CDH13: variants seen among roughly 807,000 people sequenced by gnomAD.
CDH13 encodes cadherin 13, also known as cadherin-13.
Under a neutral mutation model 63.8 loss-of-function variants are expected in CDH13, and 24 were observed. The ratio of observed to expected loss-of-function variants is 0.38; its 90% confidence interval spans 0.27 to 0.53. The LOEUF (loss-of-function observed/expected upper bound fraction) is 0.53. Among genes scored for constraint, CDH13 ranks in the 20% least tolerant of loss-of-function variants. CDH13 has a pLI of 0.85. For synonymous variants in CDH13, 503 were observed against 355.3 expected (o/e 1.42, Z -4.67); for missense variants, 1,049 against 903.1 (o/e 1.16, Z -2.07).
At chr16:83,275,008 T>C (rs560528625) in intron 5 of CDH13, among the ~76,000 whole-genome samples, 1 of 152,194 alleles carries the variant, frequency 6.6e-6, no homozygotes, top group Non-Finnish European at 1.5e-5. Context: ...GCACTCCCTA[T>C]AGACACATGC....
Position 82,819,591 on chromosome 16 carries a change from G to A in CDH13, c.46-38771G>A, listed in dbSNP as rs189966494. Among the ~76,000 whole-genome samples, 300 of 152,268 alleles carry A rather than the reference G, an allele frequency of 2.0e-3. 3 individuals carry two copies. The highest frequency in any genetic ancestry group is 6.8e-3 in the African/African-American group (282 of 41,554). ...CACTGTGTTTCAGGGAGGGCAACAT[G>A]GGAGACAGAGGAAATTAAGACACCT... is the stretch of plus-strand genomic sequence containing the variant. On this transcript the variant is annotated intron_variant, in intron 1 of 13. Coordinates refer to ENST00000567109, the MANE Select transcript of CDH13 (RefSeq NM_001257.5).
chr16:82,740,532 A>G (rs775163340), intron 1 of CDH13, among the ~76,000 whole-genome samples: 1 of 152,146 alleles, frequency 6.6e-6, no homozygotes, highest in East Asian at 1.9e-4. Flanking sequence ...CTAAAATTCC[A>G]TGGCTTACAC....
intron 1 of CDH13, among the ~76,000 whole-genome samples, chr16:82,816,967 C>G (rs1480551288): frequency 1.3e-5 from 2 of 152,024 alleles, no homozygotes; most frequent in African/African-American, 4.8e-5. Flanking sequence ...GAGGGAAAAA[C>G]AGAGACTTTT....
rs1465691136 is a variant in CDH13, at chr16:83,423,481, C to G, written c.782-62996C>G. ...TTAAACTGATTTCACAGAGGGTATC[C>G]CTGACAGCATTTAAAAAAAAAAAGC... On this transcript the variant is annotated intron_variant, in intron 6 of 13. Coordinates refer to ENST00000567109, the MANE Select transcript of CDH13 (RefSeq NM_001257.5). 2.0e-5 allele frequency among the ~76,000 whole-genome samples: 3 copies of G among 150,798 alleles called. No homozygotes were observed. In the South Asian group the frequency reaches 6.3e-4, roughly 32 times the overall value.
chr16:83,309,121 C>A (rs80088527), intron 5 of CDH13, among the ~76,000 whole-genome samples: 10,646 of 152,140 alleles, frequency 0.07, 523 homozygotes, highest in Non-Finnish European at 0.11. Flanking sequence ...TTTTGACTTT[C>A]CTGTTTCTTC....
chr16:83,016,380 C>T (rs1355973572), intron 2 of CDH13, among the ~76,000 whole-genome samples: 2 of 152,152 alleles, frequency 1.3e-5, no homozygotes, highest in African/African-American at 2.4e-5. Context: ...TGGTTACAAC[C>T]AAAAGGAGTC....
At chr16:82,724,806 A>G (rs1033039116) in intron 1 of CDH13, among the ~76,000 whole-genome samples, 1 of 152,198 alleles carries the variant, frequency 6.6e-6, no homozygotes, top group African/African-American at 2.4e-5. Context: ...GGAGCCAGGG[A>G]CAAGAGCAGG....
At chr16:82,930,118 C>T (rs562765293) in intron 2 of CDH13, among the ~76,000 whole-genome samples, 47 of 143,176 alleles carry the variant, frequency 3.3e-4, no homozygotes, top group African/African-American at 7.5e-4. Flanking sequence ...AATCTCAGCT[C>T]ACTACAACCT....
chr16:82,876,773 T>A (rs2040520854), intron 2 of CDH13, among the ~76,000 whole-genome samples: 2 of 152,206 alleles, frequency 1.3e-5, no homozygotes, highest in Non-Finnish European at 2.9e-5. Context: ...GGTATCATGT[T>A]TGGAAGCCCA....
chr16:83,456,688 C>T (rs751061913), intron 6 of CDH13, among the ~76,000 whole-genome samples: 8 of 152,058 alleles, frequency 5.3e-5, no homozygotes, highest in Non-Finnish European at 1.0e-4. Context: ...GGGGGCTGGG[C>T]GCAGGGTTCA....
At chr16:83,064,125 C>G (rs1357290545) in intron 3 of CDH13, among the ~76,000 whole-genome samples, 11 of 152,254 alleles carry the variant, frequency 7.2e-5, no homozygotes, top group South Asian at 4.1e-4. Flanking sequence ...AATCCCAGCA[C>G]TTTGGGAGGC....
At chr16:83,515,784 G>A (rs546954405) in intron 7 of CDH13, among the ~76,000 whole-genome samples, 6 of 152,130 alleles carry the variant, frequency 3.9e-5, no homozygotes, top group East Asian at 1.9e-4. Flanking sequence ...CAAGCAAAGC[G>A]TTCATTTTGT....
rs776517361 is a variant in CDH13, at chr16:83,780,563, A to T, written c.1915+362A>T. 3.9e-5 allele frequency among the ~76,000 whole-genome samples: 6 copies of T among 152,306 alleles called. No individual in the cohort carries two copies. In the South Asian group the frequency reaches 1.2e-3, roughly 32 times the overall value. On this transcript the variant is annotated intron_variant, in intron 12 of 13. Transcript: ENST00000567109. ...GGCACAACTGCAGGTTTTTACATACATACATTGCATAGTGGTGAAATCTAG... is the reference window on the plus strand; with the variant it reads ...GGCACAACTGCAGGTTTTTACATACTTACATTGCATAGTGGTGAAATCTAG...
intron 2 of CDH13, among the ~76,000 whole-genome samples, chr16:82,956,615 G>A (rs549546673): frequency 5.3e-5 from 8 of 152,182 alleles, no homozygotes; most frequent in East Asian, 3.9e-4. Flanking sequence ...ATACAGCAGC[G>A]CCTGTCCTTC....
chr16:83,177,178 C>G (rs77535854), intron 4 of CDH13, among the ~76,000 whole-genome samples: 8,967 of 152,204 alleles, frequency 0.059, 302 homozygotes, highest in Non-Finnish European at 0.067. Context: ...TTTTAGACAG[C>G]TGTTCTAAGA....
Position 83,795,201 on chromosome 16 carries a change from T to G in CDH13, c.*171T>G. 1.8e-6 allele frequency: 1 copy of G among 562,994 alleles called. No homozygotes were observed. The highest frequency in any genetic ancestry group is 3.1e-6 in the Non-Finnish European group (1 of 319,216). The allele number at this position is 562,994 out of a possible 1,614,324, so 34.9% of individuals were successfully genotyped here. On this transcript the variant is annotated 3_prime_UTR_variant, in exon 14 of 14. Coordinates refer to ENST00000567109, the MANE Select transcript of CDH13 (RefSeq NM_001257.5). ...TTTCACTTAGTCTGTACTTCATCAT[T>G]TTGACAGCATCTTCCTCCCTCCTTT...
intron 1 of CDH13, among the ~76,000 whole-genome samples, chr16:82,723,378 CTCT>C (rs577320681): frequency 8.9e-4 from 135 of 152,316 alleles, no homozygotes; most frequent in African/African-American, 3.1e-3. Context: ...TTCACCAGCT[CTCT>C]TCCTTCTTTG....
intron 2 of CDH13, among the ~76,000 whole-genome samples, chr16:82,922,858 G>A (rs17743051): frequency 0.37 from 56,450 of 151,962 alleles, 11,680 homozygotes; most frequent in Non-Finnish European, 0.47. Context: ...TTAAATGTGA[G>A]AAGGGTATAC....
chr16:82,703,630 C>T (rs116641498), intron 1 of CDH13, among the ~76,000 whole-genome samples: 3,184 of 152,172 alleles, frequency 0.021, 67 homozygotes, highest in Middle Eastern at 0.054. Flanking sequence ...TACTTACATT[C>T]GAGAACTAAT....
Sources: allele counts gnomAD v4.1 joint callset (sites outside exome capture counted in the v4.1 genomes callset), GRCh38; gene constraint gnomAD v4.1.1; transcripts MANE v1.5; gene names NCBI Gene and HGNC (gene_info 2026-07-23, HGNC 2026-07-21).